Variants in CRY1 observed in about 807,000 individuals in gnomAD.
CRY1 encodes the protein cryptochrome-1.
CRY1 carries 45 observed loss-of-function variants against 76.0 expected under a neutral mutation model. That is an observed-to-expected ratio of 0.59 (90% confidence interval 0.47 to 0.76). The LOEUF is 0.76. CRY1 is among the 30% of genes least tolerant of loss of function. CRY1 has a pLI of 0.00. For synonymous variants in CRY1, 248 were observed against 244.0 expected (o/e 1.02, Z -0.15); for missense variants, 587 against 716.4 (o/e 0.82, Z 2.06).
chr12:107,022,594 G>A (rs959628278), intron 1 of CRY1, among the ~76,000 whole-genome samples: 1 of 150,814 alleles, frequency 6.6e-6, no homozygotes, highest in African/African-American at 2.4e-5. Context: ...CTGCTGGGGG[G>A]AAAAAACCAG....
At chr12:107,045,920 T>C (rs1271305565) in intron 1 of CRY1, among the ~76,000 whole-genome samples, 1 of 152,060 alleles carries the variant, frequency 6.6e-6, no homozygotes, top group Non-Finnish European at 1.5e-5. Flanking sequence ...GTAACAAACC[T>C]GCATGTTGTC....
chr12:107,076,483 C>T (rs1425288208), intron 1 of CRY1, among the ~76,000 whole-genome samples: 2 of 151,790 alleles, frequency 1.3e-5, no homozygotes, highest in Non-Finnish European at 2.9e-5. Context: ...TGGTGGCACA[C>T]ACCTGTAATT....
chr12:107,062,017 C>T (rs1953053097), intron 1 of CRY1, among the ~76,000 whole-genome samples: 3 of 112,022 alleles, frequency 2.7e-5, no homozygotes, highest in Non-Finnish European at 5.0e-5. Flanking sequence ...CAGAGCAAGA[C>T]CCTGTCTCAA....
intron 10 of CRY1, 85 bp downstream of exon 10, chr12:106,997,209 A>G: frequency 1.7e-6 from 2 of 1,207,006 alleles, no homozygotes; most frequent in Non-Finnish European, 2.4e-6. Context: ...ATTTTTATAA[A>G]ATATGTTAGT....
chr12:107,024,744 T>A (rs1952590102), intron 1 of CRY1, among the ~76,000 whole-genome samples: 1 of 152,194 alleles, frequency 6.6e-6, no homozygotes, highest in Non-Finnish European at 1.5e-5. Context: ...TGTGTTACAA[T>A]AGGAAAAGTT....
At chr12:107,046,882 A>G (rs1012234168) in intron 1 of CRY1, among the ~76,000 whole-genome samples, 15 of 152,338 alleles carry the variant, frequency 9.8e-5, no homozygotes, top group African/African-American at 3.6e-4. Context: ...CCAGATATAA[A>G]GCAAATATTA....
intron 1 of CRY1, among the ~76,000 whole-genome samples, chr12:107,026,160 T>TATA (rs1952611216): frequency 1.3e-5 from 1 of 75,910 alleles, no homozygotes; most frequent in Non-Finnish European, 2.2e-5. Context: ...ATATATAAAA[T>TATA]ATATATATAT....
intron 1 of CRY1, among the ~76,000 whole-genome samples, chr12:107,057,621 C>T (rs892046515): frequency 6.6e-6 from 1 of 152,086 alleles, no homozygotes; most frequent in Non-Finnish European, 1.5e-5. Context: ...CTCCTAGCTA[C>T]TTGGGAGGCT....
At chr12:107,079,660 G>T (rs532613622) in intron 1 of CRY1, among the ~76,000 whole-genome samples, 2 of 152,116 alleles carry the variant, frequency 1.3e-5, no homozygotes, top group African/African-American at 4.8e-5. Context: ...TATTCTTTCA[G>T]TCTGGAATTT....
chr12:107,026,769 G>GTTT (rs66881305), intron 1 of CRY1, among the ~76,000 whole-genome samples: 5 of 134,196 alleles, frequency 3.7e-5, no homozygotes, highest in Non-Finnish European at 8.0e-5. Context: ...AATAATTCCT[G>GTTT]TTTTTTTTTT....
intron 1 of CRY1, 136 bp downstream of exon 1, chr12:107,092,668 G>C: frequency 8.0e-7 from 1 of 1,254,256 alleles, no homozygotes; most frequent in Non-Finnish European, 1.1e-6. Context: ...TTAATACTTA[G>C]GGCACCTAAA....
intron 7 of CRY1, among the ~76,000 whole-genome samples, chr12:106,998,518 T>C (rs1479022382): frequency 1.3e-5 from 2 of 152,160 alleles, no homozygotes; most frequent in East Asian, 1.9e-4. Flanking sequence ...TAAAAATATA[T>C]ACTAGCATTA....
chr12:107,015,502 C>A (rs573643813), intron 2 of CRY1, among the ~76,000 whole-genome samples: 2 of 152,206 alleles, frequency 1.3e-5, no homozygotes, highest in South Asian at 4.2e-4. Flanking sequence ...CGCCACCATA[C>A]CCAGCTAATT....
At chr12:107,026,160 T>TATATATATATATTACATATATCTATAAA (rs1166056898) in intron 1 of CRY1, among the ~76,000 whole-genome samples, 1 of 75,910 alleles carries the variant, frequency 1.3e-5, no homozygotes, top group Non-Finnish European at 2.2e-5. Flanking sequence ...ATATATAAAA[T>TATATATATATATTACATATATCTATAAA]ATATATATAT....
chr12:106,999,943 T>G lies in CRY1; in HGVS notation c.824A>C (p.Lys275Thr). The change falls in exon 6 of 13, where the codon AAG becomes ACG. Residue 275 changes from lysine to threonine, a missense_variant and splice_region_variant. Coordinates refer to ENST00000008527, the MANE Select transcript of CRY1 (RefSeq NM_004075.5). Reference sequence around the variant, plus strand: ...ATAAGCTCTAATTTTAGAGAATACCTTTTTGTAGAGATCTGTTAGTTTGAA... The same window carrying G: ...ATAAGCTCTAATTTTAGAGAATACCGTTTTGTAGAGATCTGTTAGTTTGAA... ...FYFKLTDLYKKVKKNSSPPLS... is the reference protein window; with the variant it reads ...FYFKLTDLYKTVKKNSSPPLS... 1.3e-6 allele frequency: 2 copies of G among 1,599,098 alleles called. No homozygotes were observed. The highest frequency in any genetic ancestry group is 2.3e-5 in the South Asian group (2 of 87,008).
chr12:107,032,509 G>C (rs61942394), intron 1 of CRY1, among the ~76,000 whole-genome samples: 20,954 of 150,862 alleles, frequency 0.14, 1,847 homozygotes, highest in East Asian at 0.32. Flanking sequence ...AACTGTTACA[G>C]ACACACACAC....
At chr12:107,072,383 T>G (rs2136893844) in intron 1 of CRY1, among the ~76,000 whole-genome samples, 1 of 152,298 alleles carries the variant, frequency 6.6e-6, no homozygotes, top group Middle Eastern at 3.4e-3. Flanking sequence ...GCTAAATTCA[T>G]GTATTAACTA....
At chr12:107,010,586 T>A (rs911733699) in intron 2 of CRY1, among the ~76,000 whole-genome samples, 3 of 152,212 alleles carry the variant, frequency 2.0e-5, no homozygotes, top group African/African-American at 7.2e-5. Context: ...TTCATTATTA[T>A]ATCTGTTATG....
intron 1 of CRY1, among the ~76,000 whole-genome samples, chr12:107,028,681 G>A (rs970601726): frequency 1.3e-5 from 2 of 152,116 alleles, no homozygotes; most frequent in Admixed American, 6.5e-5. Context: ...GATATAAGGA[G>A]ACAATGAATT....
Sources: allele counts gnomAD v4.1 joint callset (sites outside exome capture counted in the v4.1 genomes callset), GRCh38; gene constraint gnomAD v4.1.1; transcripts MANE v1.5; gene names NCBI Gene and HGNC (gene_info 2026-07-23, HGNC 2026-07-21).